Variants in RIC8B observed in about 807,000 individuals in gnomAD.
RIC8B encodes the protein RIC8 guanine nucleotide exchange factor B, also known as chaperone Ric-8B.
A neutral mutation model predicts 57.5 loss-of-function variants in RIC8B; 16 were observed. That is an observed-to-expected ratio of 0.28 (90% CI 0.19 to 0.42). The LOEUF (loss-of-function observed/expected upper bound fraction) is 0.42, where lower values mean the gene tolerates loss of function less well. Ranked by LOEUF, RIC8B falls within the 10% of genes least tolerant of loss-of-function variation. RIC8B has a pLI of 1.00. For missense variants in RIC8B, 481 were observed against 677.0 expected (o/e 0.71, Z 3.21); for synonymous variants, 216 against 250.8 (o/e 0.86, Z 1.31).
intron 7 of RIC8B, among the ~76,000 whole-genome samples, chr12:106,859,449 T>C (rs528914931): frequency 6.7e-6 from 1 of 150,312 alleles, no homozygotes; most frequent in East Asian, 1.9e-4. Context: ...TAGGCTTCCT[T>C]TTTTTTTTAA....
chr12:106,791,672 C>G (rs1435656434), intron 2 of RIC8B, among the ~76,000 whole-genome samples: 1 of 152,178 alleles, frequency 6.6e-6, no homozygotes, highest in African/African-American at 2.4e-5. Context: ...CTCAGTAAAT[C>G]CTGTATTCCT....
intron 2 of RIC8B, among the ~76,000 whole-genome samples, chr12:106,794,398 G>T (rs2044384615): frequency 6.6e-6 from 1 of 152,168 alleles, no homozygotes; most frequent in Admixed American, 6.5e-5. Context: ...AAATATATTT[G>T]AAGAAATAAT....
chr12:106,809,023 T>G (rs2045198948), intron 2 of RIC8B, among the ~76,000 whole-genome samples: 1 of 152,144 alleles, frequency 6.6e-6, no homozygotes, highest in African/African-American at 2.4e-5. Context: ...GAAGGTTGTC[T>G]TAGAGGGCAT....
At chr12:106,865,638 T>C (rs541523224) in intron 8 of RIC8B, among the ~76,000 whole-genome samples, 2 of 152,300 alleles carry the variant, frequency 1.3e-5, no homozygotes, top group East Asian at 1.9e-4. Flanking sequence ...GCTACCACTC[T>C]GGTCCAAGCT....
rs763989126 is a variant in RIC8B, at chr12:106,842,755, A to G, written c.1003A>G (p.Asn335Asp). Reference sequence around the variant, plus strand: ...TTTGAAAAACAATACCATGGTATACAATGGTATGAATATGGAGGCCATTCA... The same window carrying G: ...TTTGAAAAACAATACCATGGTATACGATGGTATGAATATGGAGGCCATTCA... ...TVLKNNTMVYNGMNMEAIHVL... is the reference protein window; with the variant it reads ...TVLKNNTMVYDGMNMEAIHVL... The change falls in exon 5 of 10, where the codon AAT becomes GAT. Residue 335 changes from asparagine to aspartate, a missense_variant. Asn to Asp is a conservative substitution (Grantham distance 23). This residue lies in a region of RIC8B where 421 missense variants were observed against 560.9 expected (regional missense o/e 0.75). Coordinates refer to ENST00000392837, the MANE Select transcript of RIC8B (RefSeq NM_001330145.2). 1 of 1,611,980 alleles carries G rather than the reference A, an allele frequency of 6.2e-7. No individual in the cohort carries two copies. The highest frequency in any genetic ancestry group is 8.5e-7 in the Non-Finnish European group (1 of 1,178,052).
intron 2 of RIC8B, among the ~76,000 whole-genome samples, chr12:106,793,282 A>G (rs1396182935): frequency 1.3e-5 from 2 of 152,222 alleles, no homozygotes; most frequent in South Asian, 4.2e-4. Flanking sequence ...TGCCCCCAGC[A>G]TCAGCACCAG....
chr12:106,804,160 CTCATT>C (rs1192384688), intron 2 of RIC8B, among the ~76,000 whole-genome samples: 8 of 151,880 alleles, frequency 5.3e-5, no homozygotes. Context: ...TGCACATCAT[CTCATT>C]TAATTCCCTC....
intron 9 of RIC8B, among the ~76,000 whole-genome samples, chr12:106,875,847 G>A (rs1950637646): frequency 6.6e-6 from 1 of 151,934 alleles, no homozygotes; most frequent in Non-Finnish European, 1.5e-5. Context: ...ATAAATGCAG[G>A]CACCAGATAT....
intron 6 of RIC8B, 81 bp from the exon 7 acceptor site, chr12:106,851,369 A>G (rs958540773): frequency 8.3e-7 from 1 of 1,207,462 alleles, no homozygotes; most frequent in Non-Finnish European, 1.2e-6. Context: ...TAGACATTAC[A>G]AGACTGGCCA....
intron 1 of RIC8B, among the ~76,000 whole-genome samples, chr12:106,779,646 C>A: frequency 6.6e-6 from 1 of 150,644 alleles, no homozygotes; most frequent in African/African-American, 2.4e-5. Context: ...AAAAAAAAGC[C>A]TGCACTTGTT....
At chr12:106,836,699 G>C (rs1250795276) in intron 4 of RIC8B, among the ~76,000 whole-genome samples, 1 of 152,146 alleles carries the variant, frequency 6.6e-6, no homozygotes, top group Non-Finnish European at 1.5e-5. Flanking sequence ...ATGGCCTACT[G>C]ACTGTCCTCA....
At chr12:106,846,988 G>A (rs1201020799) in intron 6 of RIC8B, among the ~76,000 whole-genome samples, 3 of 152,172 alleles carry the variant, frequency 2.0e-5, no homozygotes, top group Non-Finnish European at 2.9e-5. Context: ...GATTAACTCT[G>A]ATAATAATGT....
rs1951215124 is a variant in RIC8B, at chr12:106,887,113, A to C, written c.*1098A>C. The stretch of plus-strand genomic sequence containing the variant: ...AGAAGTAGAAAGTGAGTCATGCACT[A>C]GACAGTGGGCCTAGCTCATCAGTGG... On this transcript the variant is annotated 3_prime_UTR_variant, in exon 10 of 10. Transcript: ENST00000392837. 1 of 152,616 alleles carries C rather than the reference A, an allele frequency of 6.6e-6. No homozygotes were observed. The highest frequency in any genetic ancestry group is 2.1e-4 in the South Asian group (1 of 4,828). The allele number at this position is 152,616 out of a possible 1,614,324, so 9.5% of individuals were successfully genotyped here. A position where few individuals can be genotyped will look rare whatever the true frequency, so the allele number is the denominator to read the frequency against.
At chr12:106,840,503 A>G (rs2046820260) in intron 4 of RIC8B, among the ~76,000 whole-genome samples, 1 of 152,174 alleles carries the variant, frequency 6.6e-6, no homozygotes, top group Admixed American at 6.5e-5. Context: ...TAGCTGGAGA[A>G]TTTCATACAC....
chr12:106,786,338 A>G (rs538600977), intron 2 of RIC8B, among the ~76,000 whole-genome samples: 54 of 151,896 alleles, frequency 3.6e-4, no homozygotes, highest in African/African-American at 1.1e-3. Flanking sequence ...TTTAGTAGAG[A>G]TGGGGTTTCA....
In RIC8B at chr12:106,774,835, G is replaced by A. The variant is rs183034749; in HGVS notation, c.84+6G>A. The stretch of plus-strand genomic sequence containing the variant: ...TGAGGGATTACAGCGACAAGGTAAA[G>A]AGTCCTGGCCCCGGGCGTGCGGTAT... On this transcript the variant is annotated splice_donor_region_variant and intron_variant, in intron 1 of 9. Coordinates refer to ENST00000392837, the MANE Select transcript of RIC8B (RefSeq NM_001330145.2). The A allele has an allele frequency of 6.4e-7, 1 of 1,551,234 alleles. No homozygotes were observed. The highest frequency in any genetic ancestry group is 1.4e-5 in the African/African-American group (1 of 73,070).
chr12:106,781,631 C>T (rs575963346), intron 1 of RIC8B, among the ~76,000 whole-genome samples: 2 of 152,234 alleles, frequency 1.3e-5, no homozygotes, highest in South Asian at 4.1e-4. Flanking sequence ...TCTGAATTCC[C>T]ACCTTAAAAG....
At chr12:106,788,116 G>GC (rs1284323653) in intron 2 of RIC8B, among the ~76,000 whole-genome samples, 2 of 152,110 alleles carry the variant, frequency 1.3e-5, no homozygotes, top group African/African-American at 4.8e-5. Flanking sequence ...AAAACAAAGG[G>GC]GTTACAGGGC....
At chr12:106,869,855 C>G (rs1392490275) in intron 8 of RIC8B, among the ~76,000 whole-genome samples, 1 of 152,316 alleles carries the variant, frequency 6.6e-6, no homozygotes, top group East Asian at 1.9e-4. Flanking sequence ...AGGAGAATCA[C>G]TTGAACCCAG....
Sources: allele counts gnomAD v4.1 joint callset (sites outside exome capture counted in the v4.1 genomes callset), GRCh38; gene constraint gnomAD v4.1.1; regional missense constraint gnomAD v4.1.1; transcripts MANE v1.5; gene names NCBI Gene and HGNC (gene_info 2026-07-23, HGNC 2026-07-21).